NEK10: variants seen among roughly 807,000 people sequenced by gnomAD.
The protein encoded by NEK10 is serine/threonine-protein kinase Nek10.
In NEK10, 122 loss-of-function variants were observed where a neutral mutation model predicts 159.8. The observed-to-expected ratio is 0.76, with a 90% confidence interval of 0.66 to 0.89. NEK10 has a LOEUF of 0.89. Among genes scored for constraint, NEK10 ranks in the 40% least tolerant of loss-of-function variants. NEK10 has a pLI of 0.00. For missense variants in NEK10, 1,342 were observed against 1,323.1 expected (o/e 1.01, Z -0.22); for synonymous variants, 466 against 457.1 (o/e 1.02, Z -0.25).
chr3:27,189,113 T>G (rs187771651), intron 26 of NEK10, among the ~76,000 whole-genome samples: 1 of 152,146 alleles, frequency 6.6e-6, no homozygotes, highest in African/African-American at 2.4e-5. Flanking sequence ...TTATGATCTC[T>G]TATTTTAAGT....
chr3:27,175,338 G>A (rs1050975613), intron 26 of NEK10, among the ~76,000 whole-genome samples: 1 of 152,042 alleles, frequency 6.6e-6, no homozygotes, highest in Non-Finnish European at 1.5e-5. Flanking sequence ...CAAACCACTT[G>A]GGACTCTACA....
chr3:27,297,129 T>C (rs770465766), intron 14 of NEK10, 50 bp downstream of exon 14: 40 of 1,197,684 alleles, frequency 3.3e-5, no homozygotes, highest in East Asian at 7.1e-5. Context: ...ACAAGGTGAG[T>C]TGATTATGAA....
Position 27,174,836 on chromosome 3 carries a change from G to A in NEK10, c.2506-3C>T, listed in dbSNP as rs780499740. On this transcript the variant is annotated splice_polypyrimidine_tract_variant and splice_region_variant and intron_variant, in intron 26 of 35. Transcript: ENST00000691995. ...AAACTTGCCTTCTCAAAGGTCTCCT[G>A]GAAAGAGAAATTCAGTTTTTCATAG... 6.4e-7 allele frequency: 1 copy of A among 1,565,290 alleles called. No homozygotes were observed. Among genetic ancestry groups the A allele is most frequent in the Non-Finnish European group, 8.6e-7 (1 of 1,160,888 alleles).
intron 26 of NEK10, among the ~76,000 whole-genome samples, chr3:27,185,130 AAC>A (rs559824232): frequency 1.3e-5 from 2 of 152,358 alleles, no homozygotes; most frequent in East Asian, 3.9e-4. Context: ...TGAAGTTATG[AAC>A]AGTTTGTGAA....
intron 10 of NEK10, 56 bp from the exon 11 acceptor site, chr3:27,308,001 A>G (rs2044373366): frequency 1.2e-6 from 1 of 848,518 alleles, no homozygotes; most frequent in Non-Finnish European, 2.0e-6. Context: ...AGATCCATGT[A>G]TTAGTCCTTT....
intron 29 of NEK10, among the ~76,000 whole-genome samples, chr3:27,163,456 A>G (rs1285270385): frequency 6.6e-6 from 1 of 151,758 alleles, no homozygotes; most frequent in Non-Finnish European, 1.5e-5. Flanking sequence ...GGTTCACGCC[A>G]TTCTCCTGCC....
intron 25 of NEK10, among the ~76,000 whole-genome samples, chr3:27,200,932 A>T (rs1284043317): frequency 6.6e-6 from 1 of 152,142 alleles, no homozygotes; most frequent in Non-Finnish European, 1.5e-5. Context: ...GAGAAAACAG[A>T]AGGGGAAGTG....
At chr3:27,283,620 A>G (rs773914479) in intron 22 of NEK10, among the ~76,000 whole-genome samples, 1 of 152,224 alleles carries the variant, frequency 6.6e-6, no homozygotes, top group Non-Finnish European at 1.5e-5. Flanking sequence ...TGAGGCAGGC[A>G]GGAGAAAGCT....
At chr3:27,291,939 G>A (rs1420135469) in intron 16 of NEK10, among the ~76,000 whole-genome samples, 1 of 152,122 alleles carries the variant, frequency 6.6e-6, no homozygotes, top group African/African-American at 2.4e-5. Flanking sequence ...ACCGCACCCG[G>A]CCCATTACTT....
intron 22 of NEK10, among the ~76,000 whole-genome samples, chr3:27,265,931 C>T (rs1001903899): frequency 2.5e-4 from 38 of 151,722 alleles, no homozygotes; most frequent in Admixed American, 5.9e-4. Context: ...CTCAGCCTCC[C>T]GAGTAGCTGG....
chr3:27,238,512 G>C (rs963204937), intron 23 of NEK10, among the ~76,000 whole-genome samples: 1 of 151,820 alleles, frequency 6.6e-6, no homozygotes, highest in Non-Finnish European at 1.5e-5. Context: ...TTGAAGTTTT[G>C]TTGTTTTTAT....
chr3:27,199,837 C>A (rs898983380), intron 25 of NEK10, among the ~76,000 whole-genome samples: 1 of 152,176 alleles, frequency 6.6e-6, no homozygotes, highest in Admixed American at 6.5e-5. Context: ...AGGCCATTAT[C>A]CTTAGCAAAC....
intron 23 of NEK10, 174 bp from the exon 24 acceptor site, chr3:27,202,731 A>T: frequency 2.3e-6 from 1 of 443,468 alleles, no homozygotes; most frequent in Non-Finnish European, 3.0e-6. Flanking sequence ...CCTTAGATGA[A>T]CCAGGAAGCA....
At chr3:27,138,818 G>A (rs756630716) in intron 31 of NEK10, among the ~76,000 whole-genome samples, 2 of 152,204 alleles carry the variant, frequency 1.3e-5, no homozygotes, top group Non-Finnish European at 2.9e-5. Context: ...CAATTAATCA[G>A]GTTATCCTGA....
intron 23 of NEK10, among the ~76,000 whole-genome samples, chr3:27,254,208 A>T (rs1559367783): frequency 6.6e-6 from 1 of 152,170 alleles, no homozygotes; most frequent in Non-Finnish European, 1.5e-5. Context: ...TTAAAAGCCC[A>T]TCAGCTATCT....
chr3:27,299,359 C>T (rs1004011272), intron 13 of NEK10, among the ~76,000 whole-genome samples: 10 of 152,178 alleles, frequency 6.6e-5, no homozygotes, highest in African/African-American at 2.4e-4. Flanking sequence ...ACACAAAAGT[C>T]AAGAATTAGG....
chr3:27,149,034 T>C (rs192546201), intron 30 of NEK10, among the ~76,000 whole-genome samples: 20 of 151,964 alleles, frequency 1.3e-4, no homozygotes, highest in African/African-American at 4.8e-4. Flanking sequence ...AAGCAAATAA[T>C]CATTGGTAAA....
At chr3:27,258,489 C>T (rs774364077) in intron 22 of NEK10, among the ~76,000 whole-genome samples, 32 of 151,136 alleles carry the variant, frequency 2.1e-4, no homozygotes, top group Non-Finnish European at 3.5e-4. Context: ...TTTGTTCTTG[C>T]GATAGTTTGC....
At chr3:27,126,374 G>C (rs1017518224) in intron 32 of NEK10, among the ~76,000 whole-genome samples, 2 of 152,168 alleles carry the variant, frequency 1.3e-5, no homozygotes, top group African/African-American at 4.8e-5. Context: ...TACAGCATCA[G>C]TAACATAAGG....
Sources: allele counts gnomAD v4.1 joint callset (sites outside exome capture counted in the v4.1 genomes callset), GRCh38; gene constraint gnomAD v4.1.1; transcripts MANE v1.5; gene names NCBI Gene and HGNC (gene_info 2026-07-23, HGNC 2026-07-21).